Variants in EVC observed in about 807,000 individuals in gnomAD.
EVC encodes the protein evC complex member EVC.
EVC carries 116 observed loss-of-function variants against 118.9 expected under a neutral mutation model. The ratio of observed to expected loss-of-function variants is 0.98; its 90% CI spans 0.84 to 1.14. The LOEUF is 1.14. EVC is among the 50% of genes most tolerant of loss of function. The pLI is 0.00. For missense variants in EVC, 1,401 were observed against 1,246.4 expected, an observed-to-expected ratio of 1.12 and a Z score of -1.87; for synonymous variants, 619 against 534.7, an observed-to-expected ratio of 1.16 and a Z score of -2.18.
intron 11 of EVC, among the ~76,000 whole-genome samples, chr4:5,769,332 C>G (rs1733580427): frequency 6.6e-6 from 1 of 152,144 alleles, no homozygotes; most frequent in Non-Finnish European, 1.5e-5. Flanking sequence ...CCCAGTGACT[C>G]AGTTACCTCC....
At chr4:5,827,585 C>A in the EVC span, among the ~76,000 whole-genome samples, 1 of 152,184 alleles carries the variant, frequency 6.6e-6, no homozygotes, top group Non-Finnish European at 1.5e-5. Flanking sequence ...TGGCCACACA[C>A]ACAGAGCTCA....
In EVC at chr4:5,737,593, G is replaced by C. The variant is rs79924855; in HGVS notation, c.703-4123G>C. On this transcript the variant is annotated intron_variant, in intron 5 of 20. Transcript: ENST00000264956. This position sits in a 1 kb window ranked among gnomAD's most constrained non-coding sequence, Gnocchi z 5.0. ...GAAGCCAGTGCTCATGCACCACTCC[G>C]AAAGTCCTAGGGCCCTTAAGGGTGA... 6.6e-6 allele frequency among the ~76,000 whole-genome samples: 1 copy of C among 152,116 alleles called. No homozygotes were observed. Among genetic ancestry groups the C allele is most frequent in the Non-Finnish European group, 1.5e-5 (1 of 68,024 alleles).
intron 5 of EVC, among the ~76,000 whole-genome samples, chr4:5,739,651 G>A (rs1451627434): frequency 1.3e-5 from 2 of 152,202 alleles, no homozygotes; most frequent in East Asian, 1.9e-4. Flanking sequence ...GTATGCCTGT[G>A]TGGCATATGC....
At chr4:5,790,682 C>A (rs1203173668) in intron 12 of EVC, among the ~76,000 whole-genome samples, 1 of 152,128 alleles carries the variant, frequency 6.6e-6, no homozygotes, top group Admixed American at 6.5e-5. Context: ...CCTTGGACCT[C>A]ATTAGAATGG....
chr4:5,767,609 G>T (rs936833532), intron 11 of EVC, among the ~76,000 whole-genome samples: 1 of 151,746 alleles, frequency 6.6e-6, no homozygotes, highest in Non-Finnish European at 1.5e-5. Flanking sequence ...CTGGTGAGCC[G>T]TTTTTTAAGC....
chr4:5,742,647 C>G lies in EVC; in HGVS notation c.801+833C>G, dbSNP rs938600374. Among the ~76,000 whole-genome samples the G allele has an allele frequency of 6.6e-6, 1 of 152,164 alleles. No homozygotes were observed. The highest frequency in any genetic ancestry group is 2.4e-5 in the African/African-American group (1 of 41,436). On this transcript the variant is annotated intron_variant, in intron 6 of 20. Coordinates refer to ENST00000264956, the MANE Select transcript of EVC (RefSeq NM_153717.3). This position sits in a 1 kb window ranked among gnomAD's most constrained non-coding sequence, Gnocchi z 5.2. ...ATCACCATCCTCATGTCCTCATTAC[C>G]ATCATCATGAGCATCATTTTTATCA...
At chr4:5,726,183 G>T (rs1467871221) in intron 2 of EVC, among the ~76,000 whole-genome samples, 5 of 152,206 alleles carry the variant, frequency 3.3e-5, no homozygotes. Context: ...CATTGGTGAT[G>T]GAGCTCACTC....
intron 20 of EVC, among the ~76,000 whole-genome samples, chr4:5,810,715 C>A (rs1365758229): frequency 6.6e-6 from 1 of 152,186 alleles, no homozygotes; most frequent in Admixed American, 6.5e-5. Context: ...TGGCATCCAG[C>A]CTGAAGTGTT....
At chr4:5,793,743 G>C (rs1461725704) in intron 13 of EVC, 26 bp downstream of exon 13, 2 of 1,520,302 alleles carry the variant, frequency 1.3e-6, no homozygotes, top group South Asian at 2.4e-5. Flanking sequence ...TGAAGGCCCA[G>C]GGCTTTGTGT....
intron 11 of EVC, among the ~76,000 whole-genome samples, chr4:5,778,850 T>C (rs1183176509): frequency 6.6e-6 from 1 of 152,134 alleles, no homozygotes; most frequent in Non-Finnish European, 1.5e-5. Context: ...TTTAATTAGA[T>C]CCCATTTGTG....
downstream of EVC, among the ~76,000 whole-genome samples, chr4:5,815,793 C>T (rs1425591600): frequency 6.6e-6 from 1 of 152,168 alleles, no homozygotes; most frequent in South Asian, 2.1e-4. Context: ...CCTGACGTCC[C>T]CCCTGGAATG....
In EVC at chr4:5,732,180, G is replaced by GT. The variant is rs200229870; in HGVS notation, c.617+524dup. On this transcript the variant is annotated intron_variant, in intron 4 of 20. Transcript: ENST00000264956. ...TGCGTGACTTGCTGGTCACACAGCC[G>GT]TGAGTGACGGAGCCGGATTTGACCC... Among the ~76,000 whole-genome samples, 147 of 152,292 alleles carry GT rather than the reference G, an allele frequency of 9.7e-4. 2 individuals are homozygous for GT. In the East Asian group the frequency reaches 0.026, roughly 27 times the overall value.
At position 5,784,077 on chromosome 4, in the gene EVC, G is replaced by T. The variant is rs1216001802; in HGVS notation, c.1776+313G>T. ...GAAGGAAAGGGGTTCACAGGGAGTGGGCTCAGTGGGGGTGGGAGAAGCGGC... is the reference window on the plus strand; with the variant it reads ...GAAGGAAAGGGGTTCACAGGGAGTGTGCTCAGTGGGGGTGGGAGAAGCGGC... On this transcript the variant is annotated intron_variant, in intron 12 of 20. Coordinates refer to ENST00000264956, the MANE Select transcript of EVC (RefSeq NM_153717.3). 5.3e-5 allele frequency among the ~76,000 whole-genome samples: 8 copies of T among 152,256 alleles called. No homozygotes were observed. In the South Asian group the frequency reaches 1.5e-3, roughly 28 times the overall value.
At chr4:5,828,557 T>C in the EVC span, 56 of 1,614,104 alleles carry the variant, frequency 3.5e-5, no homozygotes, top group Middle Eastern at 8.2e-4. Flanking sequence ...AAGCGGCCCA[T>C]GCCCTTGTTG....
rs889842896 is a variant in EVC, at chr4:5,798,550, G to A, written c.2098-36G>A. 1.9e-6 allele frequency: 3 copies of A among 1,543,892 alleles called. No individual in the cohort carries two copies. The highest frequency in any genetic ancestry group is 2.6e-6 in the Non-Finnish European group (3 of 1,142,068). On this transcript the variant is annotated intron_variant, in intron 14 of 20. Coordinates refer to ENST00000264956, the MANE Select transcript of EVC (RefSeq NM_153717.3). The surrounding 1 kb of genome is among the most constrained non-coding windows in gnomAD (Gnocchi z 4.1). ...TGGCCAGAGCTTCTCTGTGAGAGGA[G>A]CACTTGGCCCCTGCTCCCAGTCCTT...
intron 12 of EVC, among the ~76,000 whole-genome samples, chr4:5,792,737 A>G (rs1713031343): frequency 6.6e-6 from 1 of 152,186 alleles, no homozygotes; most frequent in Non-Finnish European, 1.5e-5. Context: ...GTCACCATAT[A>G]CGAAATCAGT....
At chr4:5,715,656 C>T (rs1254768872) in intron 1 of EVC, among the ~76,000 whole-genome samples, 2 of 151,474 alleles carry the variant, frequency 1.3e-5, no homozygotes, top group African/African-American at 2.4e-5. Flanking sequence ...AAAATATATT[C>T]TTCTATCTTT....
At chr4:5,750,529 T>G (rs949142291) in intron 8 of EVC, among the ~76,000 whole-genome samples, 2 of 152,188 alleles carry the variant, frequency 1.3e-5, no homozygotes, top group Admixed American at 6.6e-5. Context: ...AAACTGGAGC[T>G]CCCACTGCAG....
At chr4:5,824,820 A>G in the EVC span, 1 of 985,392 alleles carries the variant, frequency 1.0e-6, no homozygotes, top group African/African-American at 1.7e-5. Context: ...TTCCAGTTCA[A>G]CTTTCTCAAC....
Sources: allele counts gnomAD v4.1 joint callset (sites outside exome capture counted in the v4.1 genomes callset), GRCh38; gene constraint gnomAD v4.1.1; non-coding constraint Gnocchi (gnomAD v3.1); transcripts MANE v1.5; gene names NCBI Gene and HGNC (gene_info 2026-07-23, HGNC 2026-07-21).